DYNC1I1: variants seen among roughly 807,000 people sequenced by gnomAD.
DYNC1I1 encodes dynein cytoplasmic 1 intermediate chain 1.
In DYNC1I1, 43 loss-of-function variants were observed where a neutral mutation model predicts 86.6. That is an observed-to-expected ratio of 0.50 (90% CI 0.39 to 0.64). DYNC1I1 has a LOEUF of 0.64. Ranked by LOEUF, DYNC1I1 falls within the 30% of genes least tolerant of loss-of-function variation. DYNC1I1 has a pLI of 0.00. For synonymous variants in DYNC1I1, 262 were observed against 283.7 expected, an observed-to-expected ratio of 0.92 and a Z score of 0.77; for missense variants, 604 against 788.8, an observed-to-expected ratio of 0.77 and a Z score of 2.81.
chr7:95,939,616 C>A (rs1422098214), intron 6 of DYNC1I1, among the ~76,000 whole-genome samples: 3 of 150,666 alleles, frequency 2.0e-5, no homozygotes, highest in Non-Finnish European at 4.4e-5. Context: ...ACTAGGATTG[C>A]AACCCCTGCC....
chr7:95,951,454 G>A (rs1192446586), intron 6 of DYNC1I1, among the ~76,000 whole-genome samples: 1 of 152,064 alleles, frequency 6.6e-6, no homozygotes, highest in African/African-American at 2.4e-5. Flanking sequence ...TTTAGCTTTT[G>A]AATGTTTTTT....
At chr7:96,107,780 C>A (rs1480461180) in intron 16 of DYNC1I1, among the ~76,000 whole-genome samples, 1 of 152,022 alleles carries the variant, frequency 6.6e-6, no homozygotes, top group Admixed American at 6.5e-5. Flanking sequence ...CCTGCCTCGG[C>A]CTCCCAAAGT....
At chr7:96,060,250 TA>T (rs1457178073) in intron 14 of DYNC1I1, among the ~76,000 whole-genome samples, 8 of 152,154 alleles carry the variant, frequency 5.3e-5, no homozygotes, top group African/African-American at 1.7e-4. Flanking sequence ...CATCATTACA[TA>T]TTCATGGTTC....
chr7:95,821,771 AT>A (rs1014769008), intron 4 of DYNC1I1, among the ~76,000 whole-genome samples: 2 of 152,056 alleles, frequency 1.3e-5, no homozygotes, highest in African/African-American at 4.8e-5. Flanking sequence ...GAGTAATTCT[AT>A]TTTTTATGTT....
At chr7:95,937,008 A>C (rs557863866) in intron 6 of DYNC1I1, among the ~76,000 whole-genome samples, 1 of 149,676 alleles carries the variant, frequency 6.7e-6, no homozygotes, top group East Asian at 1.9e-4. Context: ...TTCAGCAATT[A>C]CAAAAAAAGA....
chr7:95,980,084 G>A (rs1793415333), intron 7 of DYNC1I1, among the ~76,000 whole-genome samples: 1 of 152,146 alleles, frequency 6.6e-6, no homozygotes, highest in Non-Finnish European at 1.5e-5. Flanking sequence ...CTCCAGCAAA[G>A]CAAAGCAACC....
At chr7:95,916,770 A>G (rs1027161982) in intron 6 of DYNC1I1, among the ~76,000 whole-genome samples, 1 of 152,158 alleles carries the variant, frequency 6.6e-6, no homozygotes, top group Non-Finnish European at 1.5e-5. Flanking sequence ...TGGCCAGTAG[A>G]GGGCGCTGCT....
chr7:96,026,684 G>A (rs1048111304), intron 10 of DYNC1I1, among the ~76,000 whole-genome samples: 2 of 152,060 alleles, frequency 1.3e-5, no homozygotes, highest in African/African-American at 4.8e-5. Context: ...GCTGCCTCTA[G>A]TCCTTTTCCT....
chr7:95,894,542 G>A (rs1790828041), intron 6 of DYNC1I1, among the ~76,000 whole-genome samples: 1 of 152,074 alleles, frequency 6.6e-6, no homozygotes, highest in African/African-American at 2.4e-5. Flanking sequence ...TTCAAACTTA[G>A]GAATTAGCTA....
chr7:95,859,099 C>T (rs1260621074), intron 5 of DYNC1I1, among the ~76,000 whole-genome samples: 1 of 150,458 alleles, frequency 6.6e-6, no homozygotes, highest in Non-Finnish European at 1.5e-5. Context: ...TGTTGATGTT[C>T]TCTGTTCCAT....
intron 9 of DYNC1I1, among the ~76,000 whole-genome samples, chr7:95,991,851 C>T (rs1793738317): frequency 6.6e-6 from 1 of 151,990 alleles, no homozygotes; most frequent in Admixed American, 6.6e-5. Flanking sequence ...CCCACACCAG[C>T]TTCCATGCTT....
chr7:95,821,968 A>G (rs1330874581), intron 4 of DYNC1I1, among the ~76,000 whole-genome samples: 2 of 152,214 alleles, frequency 1.3e-5, no homozygotes, highest in Non-Finnish European at 2.9e-5. Context: ...AGGTAAGAAC[A>G]AAAACACTCT....
intron 3 of DYNC1I1, among the ~76,000 whole-genome samples, chr7:95,812,450 G>A (rs1315807458): frequency 6.6e-6 from 1 of 152,128 alleles, no homozygotes; most frequent in African/African-American, 2.4e-5. Flanking sequence ...CCTGCTCTCA[G>A]ATTTTCAGCT....
At chr7:96,050,042 A>C (rs142065362) in intron 14 of DYNC1I1, among the ~76,000 whole-genome samples, 2,148 of 151,632 alleles carry the variant, frequency 0.014, 34 homozygotes, top group Middle Eastern at 0.021. Context: ...AACAAACAAA[A>C]AAAAAAACAG....
rs561218435 is a variant in DYNC1I1, at chr7:96,044,748, G to A, written c.1509+5327G>A. 3.9e-5 allele frequency among the ~76,000 whole-genome samples: 6 copies of A among 152,294 alleles called. No individual in the cohort carries two copies. The East Asian group carries it at 1.2e-3, about 29-fold the overall frequency. On this transcript the variant is annotated intron_variant, in intron 14 of 16. Transcript: ENST00000447467. Reference sequence around the variant, plus strand: ...CTGTGATGGCTATTTTCTTAATGCTGTAGGGGGTTAAATACTCTGCTGAGT... The same window carrying A: ...CTGTGATGGCTATTTTCTTAATGCTATAGGGGGTTAAATACTCTGCTGAGT...
At chr7:95,913,551 C>A (rs573714847) in intron 6 of DYNC1I1, among the ~76,000 whole-genome samples, 1 of 152,326 alleles carries the variant, frequency 6.6e-6, no homozygotes, top group South Asian at 2.1e-4. Flanking sequence ...TATGCACTCT[C>A]TTGCCTGCTG....
intron 6 of DYNC1I1, among the ~76,000 whole-genome samples, chr7:95,879,793 C>T (rs900342342): frequency 6.6e-6 from 1 of 152,134 alleles, no homozygotes; most frequent in Non-Finnish European, 1.5e-5. Context: ...GCAAGCTTCC[C>T]TCAAACTTCT....
At chr7:95,804,265 A>G (rs74423518) in intron 1 of DYNC1I1, 13 of 717,478 alleles carry the variant, frequency 1.8e-5, no homozygotes, top group Non-Finnish European at 2.4e-5. Context: ...TATTGAGTCC[A>G]TAGAAATTTG....
intron 9 of DYNC1I1, among the ~76,000 whole-genome samples, chr7:95,993,521 GACTTC>G (rs1466367356): frequency 6.6e-6 from 1 of 152,158 alleles, no homozygotes; most frequent in African/African-American, 2.4e-5. Context: ...ACAGTCTGGA[GACTTC>G]TGTGTTTATC....
Sources: allele counts gnomAD v4.1 joint callset (sites outside exome capture counted in the v4.1 genomes callset), GRCh38; gene constraint gnomAD v4.1.1; transcripts MANE v1.5; gene names NCBI Gene and HGNC (gene_info 2026-07-23, HGNC 2026-07-21).